Variants in MTSS2 observed in about 807,000 individuals in gnomAD.
MTSS2 encodes the protein protein MTSS 2.
A neutral mutation model predicts 67.1 loss-of-function variants in MTSS2; 27 were observed. The ratio of observed to expected loss-of-function variants is 0.40; its 90% CI spans 0.30 to 0.55. The LOEUF (loss-of-function observed/expected upper bound fraction) is 0.55, where lower values mean the gene tolerates loss of function less well. MTSS2 is among the 20% of genes least tolerant of loss of function. The pLI, the probability that MTSS2 is intolerant of heterozygous loss-of-function variation, is 0.43. For missense variants in MTSS2, 1,171 were observed against 1,067.8 expected, an observed-to-expected ratio of 1.10 and a Z score of -1.35; for synonymous variants, 624 against 468.6, an observed-to-expected ratio of 1.33 and a Z score of -4.28.
chr16:70,684,344 G>T (rs1448144908), intron 1 of MTSS2, among the ~76,000 whole-genome samples: 5 of 152,066 alleles, frequency 3.3e-5, no homozygotes, highest in Non-Finnish European at 7.4e-5. Context: ...CAAGAGATGG[G>T]GGTCCCAGGG....
intron 11 of MTSS2, among the ~76,000 whole-genome samples, chr16:70,666,292 G>A (rs2052711646): frequency 1.3e-5 from 2 of 152,174 alleles, no homozygotes; most frequent in Non-Finnish European, 2.9e-5. Context: ...ATAGAAGGGG[G>A]TGGGGGAAGG....
At chr16:70,667,278 CAAA>C (rs34779308) in intron 11 of MTSS2, among the ~76,000 whole-genome samples, 66 of 69,774 alleles carry the variant, frequency 9.5e-4, no homozygotes, top group South Asian at 9.2e-3. Flanking sequence ...GACTCTGTCT[CAAA>C]AAAAAAAAAA....
Position 70,664,060 on chromosome 16 carries a change from C to T in MTSS2, c.1861G>A (p.Glu621Lys), listed in dbSNP as rs770157588. 4.0e-5 allele frequency: 65 copies of T among 1,610,940 alleles called. No individual in the cohort carries two copies. The highest frequency in any genetic ancestry group is 4.0e-4 in the Admixed American group (24 of 59,820). Residue 621 changes from glutamate (E) to lysine (K), a missense_variant, in exon 15 of 15, where the codon GAG becomes AAG. Around this residue, in one of 2 missense-constraint regions of MTSS2, gnomAD observed 924 missense variants for 756.0 expected, o/e 1.22. Transcript: ENST00000338779. Reference sequence around the variant, plus strand: ...TCCGGTGCCAGGGGTGAGGCGGTCTCGTCGGTATAGAAGACGCACTCCTCA... The same window carrying T: ...TCCGGTGCCAGGGGTGAGGCGGTCTTGTCGGTATAGAAGACGCACTCCTCA... ...GSEECVFYTD[E>K]TASPLAPDLA...
intron 1 of MTSS2, among the ~76,000 whole-genome samples, chr16:70,683,634 C>T (rs1353147544): frequency 6.6e-6 from 1 of 152,232 alleles, no homozygotes; most frequent in East Asian, 1.9e-4. Context: ...CACCAGTGGG[C>T]ATCTGACCTT....
chr16:70,668,972 T>G (rs1384072153), intron 11 of MTSS2, among the ~76,000 whole-genome samples: 1 of 151,886 alleles, frequency 6.6e-6, no homozygotes, highest in Non-Finnish European at 1.5e-5. Context: ...GTCAATTGGA[T>G]ATCCATATGA....
Position 70,663,849 on chromosome 16 carries a change from C to T in MTSS2, c.2072G>A (p.Gly691Asp). ...LVAGAHALGEGQFPFPTALSA... is the reference protein window; with the variant it reads ...LVAGAHALGEDQFPFPTALSA... ...CAGAGCAGTGGGGAAGGGGAACTGG[C>T]CCTCACCCAGTGCGTGGGCACCCGC... Residue 691 changes from glycine to aspartate, a missense_variant, in exon 15 of 15, where the codon GGC (glycine) becomes GAC (aspartate). Transcript: ENST00000338779. The T allele has an allele frequency of 6.5e-7, 1 of 1,540,906 alleles. No individual in the cohort carries two copies. Among genetic ancestry groups the T allele is most frequent in the Non-Finnish European group, 8.7e-7 (1 of 1,145,908 alleles).
At position 70,663,537 on chromosome 16, in the gene MTSS2, G is replaced by GTGTC; in HGVS notation, c.*136_*139dup. 4 of 1,375,880 alleles carry GTGTC rather than the reference G, an allele frequency of 2.9e-6. No individual in the cohort carries two copies. The highest frequency in any genetic ancestry group is 3.8e-6 in the Non-Finnish European group (4 of 1,049,522). The allele number at this position is 1,375,880 out of a possible 1,614,324, so 85.2% of individuals were successfully genotyped here. A position where few individuals can be genotyped will look rare whatever the true frequency, so the allele number is the denominator to read the frequency against. On this transcript the variant is annotated 3_prime_UTR_variant, in exon 15 of 15. Coordinates refer to ENST00000338779, the MANE Select transcript of MTSS2 (RefSeq NM_138383.3). The stretch of plus-strand genomic sequence containing the variant: ...GTTTAAATGCTGGAATCCAAGTGAG[G>GTGTC]TGTCTTTCCATAAAGTGGCATGGCC...
In MTSS2 at chr16:70,663,415, G is replaced by T; in HGVS notation, c.*262C>A. Reference sequence around the variant, plus strand: ...GTAGGGAAGAGGCAGGGCCCCAGAGGAGGAAGAGGAGGGACCGAAGAGCAT... The same window carrying T: ...GTAGGGAAGAGGCAGGGCCCCAGAGTAGGAAGAGGAGGGACCGAAGAGCAT... On this transcript the variant is annotated 3_prime_UTR_variant, in exon 15 of 15. Transcript: ENST00000338779. 3.7e-6 allele frequency: 2 copies of T among 534,718 alleles called. No homozygotes were observed. Among genetic ancestry groups the T allele is most frequent in the Non-Finnish European group, 6.3e-6 (2 of 317,684 alleles). The allele number at this position is 534,718 out of a possible 1,614,324, so 33.1% of individuals were successfully genotyped here.
At chr16:70,676,679 T>C (rs2053126195) in intron 10 of MTSS2, among the ~76,000 whole-genome samples, 1 of 152,242 alleles carries the variant, frequency 6.6e-6, no homozygotes, top group South Asian at 2.1e-4. Context: ...TGCTTCCTAT[T>C]CTGCCAACAA....
chr16:70,677,658 G>T, intron 9 of MTSS2, 134 bp downstream of exon 9: 1 of 676,396 alleles, frequency 1.5e-6, no homozygotes, highest in Non-Finnish European at 2.5e-6. Context: ...GTGGGTGTCA[G>T]AAGGGGTCTG....
chr16:70,661,312 GGA>G lies in MTSS2; in HGVS notation c.*2363_*2364del, dbSNP rs1320186201. 1 of 451,160 alleles carries G rather than the reference GGA, an allele frequency of 2.2e-6. No homozygotes were observed. 27.9% of individuals were successfully genotyped at this position (451,160 alleles called of 1,614,324 possible). A position where few individuals can be genotyped will look rare whatever the true frequency, so the allele number is the denominator to read the frequency against. On this transcript the variant is annotated 3_prime_UTR_variant, in exon 15 of 15. Transcript: ENST00000338779. ...GAGGATGGTGTGGAGGGGGCGGGGA[GGA>G]GAGGAGAATTTTTCCAAAATCTGAC...
chr16:70,674,422 G>A lies in MTSS2; in HGVS notation c.937C>T (p.Pro313Ser). The A allele has an allele frequency of 6.2e-7, 1 of 1,614,192 alleles. No individual in the cohort carries two copies. Among genetic ancestry groups the A allele is most frequent in the East Asian group, 2.2e-5 (1 of 44,878 alleles). The stretch of plus-strand genomic sequence containing the variant: ...GAGAGGCGAGCGGTGGTGGTGGCTG[G>A]CTGCGCCAGGCTGCGGTAGCGACAG... ...STCRYRSLAQ[P>S]ATTTARLSSV... The change falls in exon 11 of 15, where the codon CCA becomes TCA. Residue 313 changes from proline to serine, a missense_variant. Pro to Ser is a moderately conservative substitution (Grantham distance 74, BLOSUM62 -1). This residue lies in a region of MTSS2 where 924 missense variants were observed against 756.0 expected (regional missense o/e 1.22). Coordinates refer to ENST00000338779, the MANE Select transcript of MTSS2 (RefSeq NM_138383.3).
chr16:70,685,796 T>TGGCTG lies in MTSS2; in HGVS notation c.-10_-6dup, dbSNP rs745732120. On this transcript the variant is annotated 5_prime_UTR_variant, in exon 1 of 15. Transcript: ENST00000338779. Reference sequence around the variant, plus strand: ...CTCCTTCTCCGCCGTCTCCATGCTCTGGCTGGGCCGGGCCGCGGCGGCGGC... The same window carrying TGGCTG: ...CTCCTTCTCCGCCGTCTCCATGCTCTGGCTGGGCTGGGCCGGGCCGCGGCGGCGGC... 2 of 1,292,110 alleles carry TGGCTG rather than the reference T, an allele frequency of 1.5e-6. No individual in the cohort carries two copies. Among genetic ancestry groups the TGGCTG allele is most frequent in the Non-Finnish European group, 2.0e-6 (2 of 997,056 alleles). 80.0% of individuals were successfully genotyped at this position (1,292,110 alleles called of 1,614,324 possible).
intron 11 of MTSS2, among the ~76,000 whole-genome samples, chr16:70,672,681 C>A (rs373428587): frequency 1.3e-3 from 156 of 117,292 alleles, no homozygotes; most frequent in Middle Eastern, 4.7e-3. Flanking sequence ...GGTTAAATAG[C>A]AAAAAAAAAA....
intron 1 of MTSS2, among the ~76,000 whole-genome samples, chr16:70,683,136 C>A (rs1045514601): frequency 1.3e-5 from 2 of 152,190 alleles, no homozygotes; most frequent in African/African-American, 4.8e-5. Flanking sequence ...GATGAGGGGA[C>A]TCTGTCTCTG....
At chr16:70,679,511 T>G (rs2053228318) in intron 6 of MTSS2, 119 bp downstream of exon 6, 2 of 1,269,774 alleles carry the variant, frequency 1.6e-6, no homozygotes. Flanking sequence ...GGTTGGAGGG[T>G]CCTGTGTCGG....
rs1423853545 is a variant in MTSS2 at position 70,664,148 on chromosome 16, G to A, written c.1773C>T (p.Val591=). The stretch of plus-strand genomic sequence containing the variant: ...CAGGCACCGTGGGCGTCTTCACAGG[G>A]ACGATGGGCGGCCGGATGGGGATGG... ...AGPIPIRPPI[V]PVKTPTVPDS... The change falls in exon 15 of 15, where the codon GTC becomes GTT. Residue 591 remains valine (V), a synonymous_variant. Transcript: ENST00000338779. The A allele has an allele frequency of 2.5e-6, 4 of 1,608,724 alleles. No individual in the cohort carries two copies. In the African/African-American group the frequency reaches 5.3e-5, roughly 21 times the overall value.
rs1276496119 is a variant in MTSS2 at position 70,665,100 on chromosome 16, C to T, written c.1129-4G>A. 3 of 1,590,554 alleles carry T rather than the reference C, an allele frequency of 1.9e-6. No homozygotes were observed. Among genetic ancestry groups the T allele is most frequent in the Admixed American group, 1.7e-5 (1 of 59,122 alleles). Reference sequence around the variant, plus strand: ...GGGAGCCGACCTTGGACCAGTCCTGCAGGGAGGGTGTGGCAGGTCAGGGGG... The same window carrying T: ...GGGAGCCGACCTTGGACCAGTCCTGTAGGGAGGGTGTGGCAGGTCAGGGGG... On this transcript the variant is annotated splice_polypyrimidine_tract_variant and splice_region_variant and intron_variant, in intron 12 of 14. Transcript: ENST00000338779.
rs371875752 is a variant in MTSS2, at chr16:70,679,334, G to T, written c.458-11C>A. The T allele has an allele frequency of 8.7e-6, 14 of 1,613,776 alleles. No homozygotes were observed. In the African/African-American group the frequency reaches 1.3e-4, roughly 15 times the overall value. ...ACTTACCAAGTAGCTCTACAGGAAGGATGTGGGAGGAGAGGAGGAGAGACA... is the reference window on the plus strand; with the variant it reads ...ACTTACCAAGTAGCTCTACAGGAAGTATGTGGGAGGAGAGGAGGAGAGACA... On this transcript the variant is annotated splice_polypyrimidine_tract_variant and intron_variant, in intron 6 of 14. Coordinates refer to ENST00000338779, the MANE Select transcript of MTSS2 (RefSeq NM_138383.3).
Sources: allele counts gnomAD v4.1 joint callset (sites outside exome capture counted in the v4.1 genomes callset), GRCh38; gene constraint gnomAD v4.1.1; regional missense constraint gnomAD v4.1.1; transcripts MANE v1.5; gene names NCBI Gene and HGNC (gene_info 2026-07-23, HGNC 2026-07-21).